Variants in ASIC2 observed in about 807,000 individuals in gnomAD.
The protein encoded by ASIC2 is acid-sensing ion channel 2.
In ASIC2, 25 loss-of-function variants were observed where a neutral mutation model predicts 57.3. That is an observed-to-expected ratio of 0.44 (90% CI 0.32 to 0.61). The LOEUF is 0.61. Ranked by LOEUF, ASIC2 falls within the 20% of genes least tolerant of loss-of-function variation. The pLI is 0.06. For missense variants in ASIC2, 641 were observed against 738.1 expected (o/e 0.87, Z 1.52); for synonymous variants, 319 against 307.5 (o/e 1.04, Z -0.39).
intron 1 of ASIC2, among the ~76,000 whole-genome samples, chr17:33,222,843 A>T (rs911536370): frequency 6.6e-6 from 1 of 152,218 alleles, no homozygotes; most frequent in African/African-American, 2.4e-5. Context: ...TCAGCCATTC[A>T]TTCATTCCTA....
At chr17:33,826,335 G>A (rs36079091) in intron 1 of ASIC2, among the ~76,000 whole-genome samples, 4,140 of 152,272 alleles carry the variant, frequency 0.027, 185 homozygotes, top group African/African-American at 0.093. Context: ...GATGGAGGGC[G>A]CAGAGACATC....
chr17:34,151,122 A>AAAT (rs1904509523), intron 1 of ASIC2, among the ~76,000 whole-genome samples: 1 of 125,644 alleles, frequency 8.0e-6, no homozygotes, highest in Admixed American at 7.7e-5. Context: ...AAAAAAAAAA[A>AAAT]AAATAAAGAG....
At chr17:33,041,872 G>A (rs530511139) in intron 3 of ASIC2, among the ~76,000 whole-genome samples, 1 of 152,174 alleles carries the variant, frequency 6.6e-6, no homozygotes, top group Non-Finnish European at 1.5e-5. Context: ...TCTGTAAGGG[G>A]CACTATACTC....
chr17:33,018,250 C>T (rs1400855619), intron 7 of ASIC2, among the ~76,000 whole-genome samples: 1 of 152,198 alleles, frequency 6.6e-6, no homozygotes, highest in African/African-American at 2.4e-5. Flanking sequence ...TATAGGCCCC[C>T]ATTATTCAAA....
intron 1 of ASIC2, among the ~76,000 whole-genome samples, chr17:33,597,710 C>T (rs1905023446): frequency 6.6e-6 from 1 of 152,136 alleles, no homozygotes; most frequent in South Asian, 2.1e-4. Flanking sequence ...AGTCACGTTT[C>T]CCAACCCCTG....
intron 1 of ASIC2, among the ~76,000 whole-genome samples, chr17:33,135,854 T>G (rs1273678181): frequency 6.6e-6 from 1 of 152,242 alleles, no homozygotes; most frequent in Non-Finnish European, 1.5e-5. Flanking sequence ...ATTTATGCCT[T>G]AAGCTCCTCC....
intron 1 of ASIC2, among the ~76,000 whole-genome samples, chr17:33,452,149 A>G (rs1912274230): frequency 1.3e-5 from 2 of 152,256 alleles, no homozygotes; most frequent in African/African-American, 4.8e-5. Flanking sequence ...TAAGGTGAGT[A>G]TCTGCCTGTT....
chr17:33,662,471 A>G (rs1297792669), intron 1 of ASIC2, among the ~76,000 whole-genome samples: 1 of 134,970 alleles, frequency 7.4e-6, no homozygotes, highest in East Asian at 2.1e-4. Context: ...AAATACAAAA[A>G]TTAGCCAGGT....
chr17:33,647,613 T>C (rs1016205783), intron 1 of ASIC2, among the ~76,000 whole-genome samples: 8 of 152,228 alleles, frequency 5.3e-5, no homozygotes, highest in African/African-American at 1.9e-4. Context: ...CTTGTGTGTG[T>C]TCACCCATGA....
In ASIC2 at chr17:33,291,361, G is replaced by A. The variant is rs775025267; in HGVS notation, c.708+47C>T. On this transcript the variant is annotated intron_variant, in intron 1 of 9. Transcript: ENST00000225823. ...CGGAACACCAGGCCTCCTGACTGCC[G>A]GGGAGTGGGGCGCAGAGGGAGCGGG... 3.2e-6 allele frequency: 5 copies of A among 1,550,944 alleles called. No homozygotes were observed. In the South Asian group the frequency reaches 3.7e-5, roughly 11 times the overall value.
chr17:33,995,857 T>G (rs188384648), intron 1 of ASIC2, among the ~76,000 whole-genome samples: 1 of 152,290 alleles, frequency 6.6e-6, no homozygotes, highest in Non-Finnish European at 1.5e-5. Context: ...TATTTACCTA[T>G]TTTTGGATAT....
chr17:33,471,584 A>G (rs1913051752), intron 1 of ASIC2, among the ~76,000 whole-genome samples: 1 of 152,198 alleles, frequency 6.6e-6, no homozygotes, highest in South Asian at 2.1e-4. Flanking sequence ...GTATTGTACA[A>G]TGACAGTGCA....
chr17:33,375,247 G>A (rs1419687382), intron 1 of ASIC2, among the ~76,000 whole-genome samples: 1 of 152,090 alleles, frequency 6.6e-6, no homozygotes, highest in Non-Finnish European at 1.5e-5. Flanking sequence ...TTTGAGCAGA[G>A]ACCTGAAAGA....
Position 33,844,061 on chromosome 17 carries a change from C to T in ASIC2, c.555+311917G>A, listed in dbSNP as rs559884105. Among the ~76,000 whole-genome samples the T allele has an allele frequency of 3.9e-4, 59 of 152,148 alleles. 1 individual carries two copies. Among genetic ancestry groups the T allele is most frequent in the Non-Finnish European group, 2.9e-5 (2 of 67,998 alleles). ...TAAAAAATCAGCACAAAGATGCAAT[C>T]TTCATAGCCAATAACTCATTTTCAA... On this transcript the variant is annotated intron_variant, in intron 1 of 9. Coordinates refer to the ASIC2 transcript ENST00000359872.
intron 3 of ASIC2, among the ~76,000 whole-genome samples, chr17:33,075,988 C>A (rs1039792164): frequency 2.0e-5 from 3 of 152,118 alleles, no homozygotes; most frequent in Non-Finnish European, 4.4e-5. Flanking sequence ...ACTAATCAAT[C>A]CAATTCAAAT....
intron 1 of ASIC2, among the ~76,000 whole-genome samples, chr17:33,218,321 C>T (rs1310386196): frequency 1.3e-5 from 2 of 152,076 alleles, no homozygotes; most frequent in African/African-American, 2.4e-5. Flanking sequence ...GAATTGGGCT[C>T]GACATGTGCT....
chr17:34,151,166 T>C (rs1383577774), intron 1 of ASIC2, among the ~76,000 whole-genome samples: 2 of 151,216 alleles, frequency 1.3e-5, no homozygotes, highest in East Asian at 1.9e-4. Context: ...TAAAGGGTTC[T>C]GGGTTTATTC....
intron 1 of ASIC2, among the ~76,000 whole-genome samples, chr17:33,449,530 G>A (rs1373901119): frequency 6.6e-6 from 1 of 152,064 alleles, no homozygotes; most frequent in Non-Finnish European, 1.5e-5. Context: ...CAAATACCTG[G>A]ACACAAATGT....
At chr17:33,027,046 A>C (rs2091862214) in intron 4 of ASIC2, among the ~76,000 whole-genome samples, 1 of 152,194 alleles carries the variant, frequency 6.6e-6, no homozygotes, top group African/African-American at 2.4e-5. Context: ...GTCCAGAATC[A>C]AGGTGTTGGG....
Sources: allele counts gnomAD v4.1 joint callset (sites outside exome capture counted in the v4.1 genomes callset), GRCh38; gene constraint gnomAD v4.1.1; transcripts MANE v1.5; gene names NCBI Gene and HGNC (gene_info 2026-07-23, HGNC 2026-07-21).